Variants in NBPF9 observed in about 807,000 individuals in gnomAD.
NBPF9 encodes the protein NBPF member 9.
NBPF9 carries 91 observed loss-of-function variants against 97.8 expected under a neutral mutation model. That is an observed-to-expected ratio of 0.93 (90% confidence interval 0.79 to 1.11). NBPF9 has a LOEUF of 1.11. Ranked by LOEUF, NBPF9 falls within the 50% of genes least tolerant of loss-of-function variation. NBPF9 has a pLI of 0.00. For synonymous variants in NBPF9, 334 were observed against 359.5 expected (o/e 0.93, Z 0.80); for missense variants, 992 against 939.5 (o/e 1.06, Z -0.73).
At chr1:149,099,825 A>C (rs1397052338) in intron 3 of NBPF9, among the ~76,000 whole-genome samples, 1 of 151,442 alleles carries the variant, frequency 6.6e-6, no homozygotes, top group African/African-American at 2.4e-5. Flanking sequence ...TCTACAAAAA[A>C]TAGAAAATTA....
At chr1:149,073,905 G>T (rs2079629393) in intron 12 of NBPF9, 35 bp from the exon 13 acceptor site, 1 of 1,363,752 alleles carries the variant, frequency 7.3e-7, no homozygotes. Context: ...CTCAGTGGAA[G>T]GCTGGACATG....
intron 13 of NBPF9, 130 bp from the exon 14 acceptor site, chr1:149,073,062 G>C: frequency 2.4e-6 from 2 of 825,402 alleles, no homozygotes; most frequent in Non-Finnish European, 4.2e-6. Context: ...CATGTTTAAA[G>C]GAATGTCTGT....
At chr1:149,072,803 C>G (rs782355622) in exon 14 of NBPF9, 1 of 1,585,526 alleles carries the variant, frequency 6.3e-7, no homozygotes, top group Non-Finnish European at 8.7e-7. Flanking sequence ...GGGACTTGTC[C>G]GGCTCATCCG....
chr1:149,062,517 T>A (rs2078689846), intron 21 of NBPF9, among the ~76,000 whole-genome samples: 1 of 143,266 alleles, frequency 7.0e-6, no homozygotes, highest in East Asian at 2.0e-4. Flanking sequence ...GGTGACACAC[T>A]GATGAAGGGG....
At chr1:149,073,835 G>T (rs1239034223) in exon 13 of NBPF9, 1 of 1,513,910 alleles carries the variant, frequency 6.6e-7, no homozygotes, top group Non-Finnish European at 9.1e-7. Context: ...TCATTCCTCA[G>T]CATAAATTTT....
chr1:149,058,892 G>A lies in NBPF9; in HGVS notation c.2758+33C>T, dbSNP rs1198441431. ...ATCACCCCTATCTGGAAGACCAGGT[G>A]GAGGCTTATCACCTTCATAGTAAGG... is the stretch of plus-strand genomic sequence containing the variant. On this transcript the variant is annotated intron_variant, in intron 26 of 29. Coordinates refer to ENST00000584027, the Ensembl canonical transcript of NBPF9. The A allele has an allele frequency of 1.4e-4, 82 of 601,860 alleles. No individual in the cohort carries two copies. The African/African-American group carries it at 1.6e-3, about 12-fold the overall frequency. 37.3% of individuals were successfully genotyped at this position (601,860 alleles called of 1,614,324 possible).
chr1:149,061,965 T>C (rs1212523048), intron 22 of NBPF9, 128 bp downstream of exon 22: 8 of 578,170 alleles, frequency 1.4e-5, no homozygotes, highest in South Asian at 3.2e-5. Flanking sequence ...TTACAACCTA[T>C]ATGCGCCCAT....
intron 5 of NBPF9, among the ~76,000 whole-genome samples, chr1:149,085,873 A>C (rs1438519317): frequency 6.6e-6 from 1 of 151,898 alleles, no homozygotes; most frequent in Non-Finnish European, 1.5e-5. Context: ...AAGATAGAGG[A>C]AATTCCCTAT....
rs587733216 is a variant in NBPF9 at position 149,077,862 on chromosome 1, C to G, written c.566+21G>C. ...TTCATATGTTACCACCCATTACTTG[C>G]TCCTGAGTATTCAGTGTTACCTGGG... On this transcript the variant is annotated intron_variant, in intron 10 of 29. Transcript: ENST00000584027. 41 of 1,584,958 alleles carry G rather than the reference C, an allele frequency of 2.6e-5. 3 individuals carry two copies. The highest frequency in any genetic ancestry group is 3.4e-5 in the Non-Finnish European group (39 of 1,155,590).
chr1:149,074,963 C>T (rs1213584501), intron 12 of NBPF9, among the ~76,000 whole-genome samples: 3 of 151,096 alleles, frequency 2.0e-5, no homozygotes, highest in Admixed American at 1.3e-4. Context: ...AGTCACCTGC[C>T]ACCACGCCCA....
intron 7 of NBPF9, among the ~76,000 whole-genome samples, chr1:149,081,641 C>A (rs2080457269): frequency 6.7e-6 from 1 of 149,918 alleles, no homozygotes. Flanking sequence ...TATTTGTCTG[C>A]AGGATCTTAT....
chr1:149,058,566 C>T (rs2078388312), intron 26 of NBPF9: 1 of 242,538 alleles, frequency 4.1e-6, no homozygotes, highest in Non-Finnish European at 7.7e-6. Flanking sequence ...ATGCCCAGCT[C>T]GTTCATGGAT....
Position 149,090,551 on chromosome 1 carries a change from G to T in NBPF9, c.-195+202C>A, listed in dbSNP as rs1157879238. The T allele has an allele frequency of 3.5e-3, 1,790 of 510,074 alleles. 6 individuals carry two copies. Among genetic ancestry groups the T allele is most frequent in the Middle Eastern group, 0.014 (26 of 1,854 alleles). The allele number at this position is 510,074 out of a possible 1,614,324, so 31.6% of individuals were successfully genotyped here. A position where few individuals can be genotyped will look rare whatever the true frequency, so the allele number is the denominator to read the frequency against. ...AAGATGCATTAAATTTAAGCCTAAT[G>T]CAATAAAGAATGCCCATAAAATTAT... On this transcript the variant is annotated intron_variant, in intron 5 of 29. Transcript: ENST00000584027.
chr1:149,098,007 T>C (rs1397438488), intron 4 of NBPF9, among the ~76,000 whole-genome samples: 3 of 151,546 alleles, frequency 2.0e-5, no homozygotes, highest in Non-Finnish European at 4.4e-5. Context: ...CCCAGGACAG[T>C]GCAGGGCCTT....
chr1:149,074,318 A>G (rs1426048286), intron 12 of NBPF9, among the ~76,000 whole-genome samples: 2 of 151,300 alleles, frequency 1.3e-5, no homozygotes, highest in African/African-American at 4.8e-5. Flanking sequence ...TATGCGAAAG[A>G]TTTTTTAAAT....
chr1:149,071,789 G>A (rs3882059), intron 14 of NBPF9, 113 bp from the exon 15 acceptor site: 1 of 675,282 alleles, frequency 1.5e-6, no homozygotes, highest in Non-Finnish European at 2.6e-6. Flanking sequence ...CCGTTCAACT[G>A]AAAACTCTCA....
intron 7 of NBPF9, among the ~76,000 whole-genome samples, chr1:149,081,506 T>C (rs1315412612): frequency 6.6e-6 from 1 of 151,664 alleles, no homozygotes; most frequent in African/African-American, 2.4e-5. Context: ...GAGCAGGTAC[T>C]GGCTACTATC....
intron 5 of NBPF9, among the ~76,000 whole-genome samples, chr1:149,084,242 T>C (rs2080779837): frequency 6.9e-6 from 1 of 144,338 alleles, no homozygotes; most frequent in Non-Finnish European, 1.5e-5. Flanking sequence ...ATGGCACACG[T>C]ATATATATAT....
At chr1:149,072,728 C>G in exon 14 of NBPF9, 7 of 1,611,646 alleles carry the variant, frequency 4.3e-6, no homozygotes, top group Non-Finnish European at 5.9e-6. Context: ...CTGGGCTGAG[C>G]TTTTGGACAA....
Sources: allele counts gnomAD v4.1 joint callset (sites outside exome capture counted in the v4.1 genomes callset), GRCh38; gene constraint gnomAD v4.1.1; transcripts MANE v1.5; gene names NCBI Gene and HGNC (gene_info 2026-07-23, HGNC 2026-07-21).